The following CLEC4A variants were observed in gnomAD, a reference collection of about 807,000 sequenced individuals.
The protein encoded by CLEC4A is C-type lectin domain family 4 member A, also known as C-type (calcium dependent, carbohydrate-recognition domain) lectin, superfamily member 6.
Under a neutral mutation model 32.7 loss-of-function variants are expected in CLEC4A, and 27 were observed. The ratio of observed to expected loss-of-function variants is 0.83; its 90% confidence interval spans 0.61 to 1.14. The LOEUF is 1.14. Among genes scored for constraint, CLEC4A ranks in the 50% most tolerant of loss-of-function variants. CLEC4A has a pLI of 0.00. For synonymous variants in CLEC4A, 89 were observed against 93.7 expected (o/e 0.95, Z 0.29); for missense variants, 253 against 274.6 (o/e 0.92, Z 0.55).
At chr12:8,103,456 G>C in the CLEC4A span, among the ~76,000 whole-genome samples, 4 of 131,850 alleles carry the variant, frequency 3.0e-5, no homozygotes, top group Admixed American at 3.7e-4. Context: ...GCATGATCTC[G>C]GCTCACTGCA....
At chr12:8,120,227 C>A (rs1188011629), upstream of CLEC4A, among the ~76,000 whole-genome samples, 5 of 151,912 alleles carry the variant, frequency 3.3e-5, no homozygotes, top group African/African-American at 1.2e-4. Context: ...GCTTCCCTTC[C>A]CCACCTGGGC....
chr12:8,106,050 G>C, the CLEC4A span, among the ~76,000 whole-genome samples: 10 of 152,080 alleles, frequency 6.6e-5, no homozygotes, highest in Non-Finnish European at 1.3e-4. Context: ...AATCCCTCTT[G>C]AGTTGATTTT....
chr12:8,133,167 G>T (rs1437815949), intron 3 of CLEC4A, among the ~76,000 whole-genome samples: 1 of 151,974 alleles, frequency 6.6e-6, no homozygotes, highest in Non-Finnish European at 1.5e-5. Context: ...CATCCACCTC[G>T]GCCTCCCAAA....
the CLEC4A span, among the ~76,000 whole-genome samples, chr12:8,105,162 C>T: frequency 6.6e-6 from 1 of 152,138 alleles, no homozygotes; most frequent in African/African-American, 2.4e-5. Flanking sequence ...ACGCTACTTT[C>T]TACAATGGCT....
At chr12:8,130,788 A>G (rs1170060153) in intron 3 of CLEC4A, among the ~76,000 whole-genome samples, 1 of 152,234 alleles carries the variant, frequency 6.6e-6, no homozygotes, top group Non-Finnish European at 1.5e-5. Context: ...CCTATTGTTA[A>G]CATCTTACAT....
At chr12:8,105,892 T>C in the CLEC4A span, among the ~76,000 whole-genome samples, 1 of 152,234 alleles carries the variant, frequency 6.6e-6, no homozygotes, top group African/African-American at 2.4e-5. Context: ...TTTAGTTTAA[T>C]TTGGTTTCAT....
At chr12:8,113,860 C>T in the CLEC4A span, among the ~76,000 whole-genome samples, 47 of 152,288 alleles carry the variant, frequency 3.1e-4, no homozygotes, top group South Asian at 9.7e-3. Flanking sequence ...GTGTAGAATG[C>T]ACCTTAAAAT....
At chr12:8,123,998 G>C in intron 1 of CLEC4A, 38 bp downstream of exon 1, 1 of 1,312,618 alleles carries the variant, frequency 7.6e-7, no homozygotes, top group Non-Finnish European at 1.1e-6. Flanking sequence ...TGAATGACGA[G>C]GTGAAGGATG....
the CLEC4A span, among the ~76,000 whole-genome samples, chr12:8,118,079 A>AT: frequency 6.6e-6 from 1 of 152,204 alleles, no homozygotes; most frequent in Non-Finnish European, 1.5e-5. Context: ...GGAAAAAAAA[A>AT]GGCAAGGGAG....
chr12:8,129,588 C>G (rs749238892), intron 3 of CLEC4A, among the ~76,000 whole-genome samples: 1 of 151,910 alleles, frequency 6.6e-6, no homozygotes, highest in Admixed American at 6.6e-5. Flanking sequence ...GTCAACAGAT[C>G]GAGACCATCC....
At chr12:8,126,064 T>A (rs1385221835) in intron 2 of CLEC4A, among the ~76,000 whole-genome samples, 1 of 152,204 alleles carries the variant, frequency 6.6e-6, no homozygotes, top group Non-Finnish European at 1.5e-5. Flanking sequence ...GATGAGCAGG[T>A]AGACAACAAG....
intron 3 of CLEC4A, among the ~76,000 whole-genome samples, chr12:8,131,830 A>ATC (rs1262149504): frequency 6.6e-6 from 1 of 150,462 alleles, no homozygotes. Context: ...ATATCTATAT[A>ATC]TATATATATC....
chr12:8,106,682 G>A, the CLEC4A span, among the ~76,000 whole-genome samples: 1 of 151,900 alleles, frequency 6.6e-6, no homozygotes, highest in African/African-American at 2.4e-5. Context: ...TTACATTTTT[G>A]ATTTGCCTCT....
intron 3 of CLEC4A, among the ~76,000 whole-genome samples, chr12:8,132,743 C>T (rs1320196795): frequency 6.6e-6 from 1 of 152,114 alleles, no homozygotes; most frequent in Admixed American, 6.6e-5. Context: ...ATGTATCCAC[C>T]TATAATTGTA....
the CLEC4A span, among the ~76,000 whole-genome samples, chr12:8,113,989 G>T: frequency 1.3e-5 from 2 of 152,142 alleles, no homozygotes; most frequent in South Asian, 2.1e-4. Flanking sequence ...TCTGTACAGG[G>T]GGCATTCGTA....
At chr12:8,137,755 A>T (rs1192083002) in intron 5 of CLEC4A, among the ~76,000 whole-genome samples, 1 of 152,186 alleles carries the variant, frequency 6.6e-6, no homozygotes, top group Non-Finnish European at 1.5e-5. Flanking sequence ...GACTTTAAAA[A>T]CAGTGCATTA....
chr12:8,108,991 G>A, the CLEC4A span, among the ~76,000 whole-genome samples: 2 of 152,176 alleles, frequency 1.3e-5, no homozygotes, highest in Non-Finnish European at 2.9e-5. Context: ...ATTAGCATGC[G>A]ACCACTAGAG....
chr12:8,125,022 A>G (rs779042168), intron 1 of CLEC4A, among the ~76,000 whole-genome samples: 1 of 152,280 alleles, frequency 6.6e-6, no homozygotes, highest in East Asian at 1.9e-4. Flanking sequence ...TGGTAACTAA[A>G]AAGACTGACT....
intron 2 of CLEC4A, among the ~76,000 whole-genome samples, chr12:8,127,413 G>T (rs1041631134): frequency 6.6e-6 from 1 of 152,326 alleles, no homozygotes; most frequent in Admixed American, 6.5e-5. Flanking sequence ...AGGCGGTGGA[G>T]AAATAGACCA....
Sources: allele counts gnomAD v4.1 joint callset (sites outside exome capture counted in the v4.1 genomes callset), GRCh38; gene constraint gnomAD v4.1.1; transcripts MANE v1.5; gene names NCBI Gene and HGNC (gene_info 2026-07-23, HGNC 2026-07-21).